Variants in AFDN observed in about 807,000 individuals in gnomAD.
The protein encoded by AFDN is afadin.
A neutral mutation model predicts 216.6 loss-of-function variants in AFDN; 68 were observed. That is an observed-to-expected ratio of 0.31 (90% CI 0.26 to 0.38). The LOEUF is 0.38. AFDN is among the 10% of genes least tolerant of loss of function. AFDN has a pLI of 1.00. For missense variants in AFDN, 2,136 were observed against 2,342.0 expected (o/e 0.91, Z 1.82); for synonymous variants, 868 against 853.7 (o/e 1.02, Z -0.29).
At chr6:167,964,445 A>T (rs1797331679) in intron 31 of AFDN, 1 of 1,065,426 alleles carries the variant, frequency 9.4e-7, no homozygotes, top group Non-Finnish European at 1.1e-6. Flanking sequence ...ACTCCAAGGG[A>T]ACACTTACTT....
chr6:167,951,299 G>C lies in AFDN; in HGVS notation c.3945G>C (p.Gln1315His). Residue 1315 changes from glutamine (Q) to histidine (H), a missense_variant, in exon 30 of 34, where the codon CAG becomes CAC. This residue lies in a region of AFDN where 981 missense variants were observed against 966.0 expected (regional missense o/e 1.02). Transcript: ENST00000683244. The surrounding 1 kb of genome is among the most constrained non-coding windows in gnomAD (Gnocchi z 7.1). ...RKSDSDMWIN[Q>H]SSSLDSSTSS... ...CTGATAGTGATATGTGGATAAATCA[G>C]AGCTCCTCACTGGACTCCAGTACCT... The C allele has an allele frequency of 6.2e-7, 1 of 1,614,200 alleles. No homozygotes were observed. Among genetic ancestry groups the C allele is most frequent in the Non-Finnish European group, 8.5e-7 (1 of 1,180,036 alleles).
Position 167,898,434 on chromosome 6 carries a change from G to A in AFDN, c.1547G>A (p.Gly516Asp). 1 of 1,614,200 alleles carries A rather than the reference G, an allele frequency of 6.2e-7. No individual in the cohort carries two copies. Among genetic ancestry groups the A allele is most frequent in the Non-Finnish European group, 8.5e-7 (1 of 1,180,036 alleles). Residue 516 changes from glycine to aspartate, a missense_variant, in exon 11 of 34, where the codon GGC becomes GAC. Gly to Asp is a moderately conservative substitution (Grantham distance 94, BLOSUM62 -1). Around this residue, in one of 8 missense-constraint regions of AFDN, gnomAD observed 817 missense variants for 965.7 expected, o/e 0.85. Coordinates refer to ENST00000683244, the MANE Select transcript of AFDN (RefSeq NM_001386888.1). ...HALAKRSVDG[G>D]LMVKGPRHKP... is the part of the protein sequence containing the mutation. ...CTTGCAAAAAGATCTGTGGATGGAGGCCTGATGGTTAAGGGCCCAAGACAT... is the reference window on the plus strand; with the variant it reads ...CTTGCAAAAAGATCTGTGGATGGAGACCTGATGGTTAAGGGCCCAAGACAT...
intron 19 of AFDN, among the ~76,000 whole-genome samples, 167 bp from the exon 20 acceptor site, chr6:167,916,922 C>A (rs1176284132): frequency 1.3e-5 from 2 of 152,090 alleles, no homozygotes; most frequent in Non-Finnish European, 2.9e-5. Context: ...GCTTTTAGTT[C>A]TATTTAATGT....
At chr6:167,963,808 A>T in intron 31 of AFDN, 1 of 1,063,198 alleles carries the variant, frequency 9.4e-7, no homozygotes, top group East Asian at 5.1e-5. Flanking sequence ...TTTCTAAGGA[A>T]ATCAGATTTA....
intron 7 of AFDN, 30 bp from the exon 8 acceptor site, chr6:167,890,832 G>C: frequency 6.2e-7 from 1 of 1,606,810 alleles, no homozygotes; most frequent in African/African-American, 1.3e-5. Context: ...ACCTGAGTCT[G>C]CCTGATGATT....
chr6:167,827,067 G>A lies in AFDN; in HGVS notation c.-66G>A. ...TGGCGAGGGGCGCCGGGCCCCCGCG[G>A]ACCTGTCGTCCTCGGCCCGTCCTCC... On this transcript the variant is annotated 5_prime_UTR_variant, in exon 1 of 34. Coordinates refer to ENST00000683244, the MANE Select transcript of AFDN (RefSeq NM_001386888.1). 3 of 831,458 alleles carry A rather than the reference G, an allele frequency of 3.6e-6. No homozygotes were observed. The highest frequency in any genetic ancestry group is 3.0e-6 in the Non-Finnish European group (2 of 668,500). The allele number at this position is 831,458 out of a possible 1,614,324, so 51.5% of individuals were successfully genotyped here. A position where few individuals can be genotyped will look rare whatever the true frequency, so the allele number is the denominator to read the frequency against.
intron 1 of AFDN, among the ~76,000 whole-genome samples, chr6:167,835,256 A>G (rs757736362): frequency 6.6e-6 from 1 of 152,188 alleles, no homozygotes; most frequent in African/African-American, 2.4e-5. Flanking sequence ...TCAGAGCTCA[A>G]ATTTTATTAT....
chr6:167,962,249 A>G lies in AFDN; in HGVS notation c.4834-184A>G, dbSNP rs368116717. ...CCGTTTTTAGGTAATTTATTTTAAA[A>G]TTGTAGAGCTAAAAAATTGTAAAAA... is the stretch of plus-strand genomic sequence containing the variant. On this transcript the variant is annotated intron_variant, in intron 30 of 33. Transcript: ENST00000683244. The surrounding 1 kb of genome is among the most constrained non-coding windows in gnomAD (Gnocchi z 5.2). Among the ~76,000 whole-genome samples the G allele has an allele frequency of 6.6e-6, 1 of 152,238 alleles. No homozygotes were observed.
At chr6:167,861,204 A>G (rs1783527715) in intron 1 of AFDN, among the ~76,000 whole-genome samples, 1 of 152,198 alleles carries the variant, frequency 6.6e-6, no homozygotes, top group Non-Finnish European at 1.5e-5. Flanking sequence ...CAACAGCCAA[A>G]CATGATTGGC....
At chr6:167,847,828 G>A (rs1215903687) in intron 1 of AFDN, among the ~76,000 whole-genome samples, 3 of 151,962 alleles carry the variant, frequency 2.0e-5, no homozygotes, top group Admixed American at 1.3e-4. Context: ...TAAACCTTAA[G>A]TTAAATAATG....
intron 1 of AFDN, among the ~76,000 whole-genome samples, chr6:167,854,925 TG>T (rs1387548721): frequency 1.3e-5 from 2 of 151,868 alleles, no homozygotes; most frequent in Non-Finnish European, 2.9e-5. Context: ...ACAAAACCAT[TG>T]TATTTTTAGT....
intron 13 of AFDN, among the ~76,000 whole-genome samples, chr6:167,909,837 A>G (rs763697999): frequency 6.6e-6 from 1 of 152,212 alleles, no homozygotes; most frequent in African/African-American, 2.4e-5. Context: ...CTTACTGTCA[A>G]TTTAAATTTT....
intron 32 of AFDN, 104 bp from the exon 33 acceptor site, chr6:167,969,010 T>A (rs1296827373): frequency 1.6e-5 from 14 of 871,242 alleles, no homozygotes; most frequent in Non-Finnish European, 2.7e-5. Flanking sequence ...TCCTACTTAC[T>A]CAGTAAAGGT....
chr6:167,965,993 C>G lies in AFDN; in HGVS notation c.5205C>G (p.Ala1735=). The stretch of plus-strand genomic sequence containing the variant: ...TCTCCCCCGACTCGCTGTTCACTGC[C>G]AAGTTTGTTGCATACAATGAGGAGG... ...QVLSPDSLFT[A]KFVAYNEEEE... Residue 1735 remains alanine (A), a synonymous_variant, in exon 32 of 34, where the codon GCC becomes GCG. Transcript: ENST00000683244. 1 of 1,550,894 alleles carries G rather than the reference C, an allele frequency of 6.4e-7. No homozygotes were observed. The highest frequency in any genetic ancestry group is 8.7e-7 in the Non-Finnish European group (1 of 1,147,000).
rs1247291799 is a variant in AFDN at position 167,951,419 on chromosome 6, C to T, written c.4065C>T (p.Ala1355=). The T allele has an allele frequency of 6.2e-7, 1 of 1,614,122 alleles. No homozygotes were observed. Among genetic ancestry groups the T allele is most frequent in the African/African-American group, 1.3e-5 (1 of 75,046 alleles). ...SGPGRWKTPA[A]IPATPVAVSQ... ...CTGGCCGTTGGAAAACACCAGCAGC[C>T]ATACCGGCCACCCCTGTGGCCGTCT... The change falls in exon 30 of 34, where the codon GCC becomes GCT. Residue 1355 remains alanine (A), a synonymous_variant. Coordinates refer to ENST00000683244, the MANE Select transcript of AFDN (RefSeq NM_001386888.1). The surrounding 1 kb of genome is among the most constrained non-coding windows in gnomAD (Gnocchi z 7.1).
In AFDN at chr6:167,834,094, A is replaced by AT. The variant is rs201179275; in HGVS notation, c.105+6866dup. On this transcript the variant is annotated intron_variant, in intron 1 of 33. Transcript: ENST00000683244. Reference sequence around the variant, plus strand: ...TTAATTTCATTGGGAAAAACTTGGAATTTTTTTTTAAATTTTTTATTTCTG... The same window carrying AT: ...TTAATTTCATTGGGAAAAACTTGGAATTTTTTTTTTAAATTTTTTATTTCTG... Among the ~76,000 whole-genome samples, 412 of 151,796 alleles carry AT rather than the reference A, an allele frequency of 2.7e-3. 4 individuals are homozygous for AT. Among genetic ancestry groups the AT allele is most frequent in the African/African-American group, 9.1e-3 (378 of 41,412 alleles).
In AFDN at chr6:167,959,701, A is replaced by G. The variant is rs568299846; in HGVS notation, c.4834-2732A>G. ...ATTATAAACACACAGATCTCAACAT[A>G]TACACACACATATATATGTATATAA... On this transcript the variant is annotated intron_variant, in intron 30 of 33. Transcript: ENST00000683244. Among the ~76,000 whole-genome samples the G allele has an allele frequency of 5.3e-5, 8 of 152,310 alleles. No individual in the cohort carries two copies. In the South Asian group the frequency reaches 1.5e-3, roughly 28 times the overall value.
intron 3 of AFDN, among the ~76,000 whole-genome samples, chr6:167,870,848 A>G (rs960629646): frequency 6.6e-6 from 1 of 152,114 alleles, no homozygotes; most frequent in Non-Finnish European, 1.5e-5. Flanking sequence ...ACGCTTTTAT[A>G]TCTATTTGTG....
intron 32 of AFDN, 33 bp from the exon 33 acceptor site, chr6:167,969,081 A>G: frequency 6.7e-7 from 1 of 1,491,496 alleles, no homozygotes; most frequent in Non-Finnish European, 9.4e-7. Flanking sequence ...ATAATCAGGT[A>G]CTTTAACTTG....
Sources: allele counts gnomAD v4.1 joint callset (sites outside exome capture counted in the v4.1 genomes callset), GRCh38; gene constraint gnomAD v4.1.1; regional missense constraint gnomAD v4.1.1; non-coding constraint Gnocchi (gnomAD v3.1); transcripts MANE v1.5; gene names NCBI Gene and HGNC (gene_info 2026-07-23, HGNC 2026-07-21).